The following ITGA4 variants were observed in gnomAD, a reference collection of about 807,000 sequenced individuals.
ITGA4 encodes integrin alpha-4.
ITGA4 carries 63 observed loss-of-function variants against 133.6 expected under a neutral mutation model. The ratio of observed to expected loss-of-function variants is 0.47; its 90% CI spans 0.38 to 0.58. The LOEUF is 0.58. Among genes scored for constraint, ITGA4 ranks in the 20% least tolerant of loss-of-function variants. The pLI, the probability that ITGA4 is intolerant of heterozygous loss-of-function variation, is 0.00. For synonymous variants in ITGA4, 483 were observed against 438.0 expected (o/e 1.10, Z -1.28); for missense variants, 1,076 against 1,252.7 (o/e 0.86, Z 2.13).
intron 2 of ITGA4, among the ~76,000 whole-genome samples, chr2:181,461,678 T>C (rs1227651123): frequency 1.3e-5 from 2 of 152,176 alleles, no homozygotes; most frequent in Non-Finnish European, 2.9e-5. Context: ...ACTAAAAAGA[T>C]GGTCTTTATT....
At chr2:181,529,275 C>A (rs970581031) in intron 22 of ITGA4, among the ~76,000 whole-genome samples, 1 of 152,062 alleles carries the variant, frequency 6.6e-6, no homozygotes, top group African/African-American at 2.4e-5. Context: ...ACTGTTTCTC[C>A]AATAAACCAT....
chr2:181,478,680 G>C, intron 4 of ITGA4, 77 bp from the exon 5 acceptor site: 1 of 610,260 alleles, frequency 1.6e-6, no homozygotes, highest in Non-Finnish European at 2.7e-6. Flanking sequence ...GGACATTTTT[G>C]TAAGGATTTA....
At position 181,500,934 on chromosome 2, in the gene ITGA4, AAGG is replaced by A. The variant is rs1415179378; in HGVS notation, c.1695+2161_1695+2163del. 7.2e-5 allele frequency among the ~76,000 whole-genome samples: 11 copies of A among 152,158 alleles called. No homozygotes were observed. In the South Asian group the frequency reaches 1.0e-3, roughly 14 times the overall value. On this transcript the variant is annotated intron_variant, in intron 15 of 27. Transcript: ENST00000397033. ...TGGAAGATACAGGTGATAAAGGAAA[AAGG>A]AGGGCAGAGTACAGAAATGTGCAGT...
chr2:181,478,325 A>C (rs1685726792), intron 4 of ITGA4, among the ~76,000 whole-genome samples: 1 of 151,988 alleles, frequency 6.6e-6, no homozygotes, highest in Non-Finnish European at 1.5e-5. Flanking sequence ...AAATTTGCCA[A>C]GAGAGTAGAT....
At position 181,509,940 on chromosome 2, in the gene ITGA4, T is replaced by G. The variant is rs547592572; in HGVS notation, c.1845+133T>G. ...CGAATTTTTAAAAACAAAAATAGAT[T>G]TATTCATTTCTTTAAATTGTTTATA... On this transcript the variant is annotated intron_variant, in intron 16 of 27. Coordinates refer to ENST00000397033, the MANE Select transcript of ITGA4 (RefSeq NM_000885.6). 37 of 627,152 alleles carry G rather than the reference T, an allele frequency of 5.9e-5. No homozygotes were observed. In the South Asian group the frequency reaches 6.6e-4, roughly 11 times the overall value. The allele number at this position is 627,152 out of a possible 1,614,324, so 38.8% of individuals were successfully genotyped here. A position where few individuals can be genotyped will look rare whatever the true frequency, so the allele number is the denominator to read the frequency against.
chr2:181,502,113 A>G (rs1368630612), intron 15 of ITGA4, among the ~76,000 whole-genome samples: 1 of 152,110 alleles, frequency 6.6e-6, no homozygotes, highest in Middle Eastern at 3.2e-3. Flanking sequence ...AGGGGAAAGC[A>G]TGATGATGTT....
At chr2:181,490,630 G>A (rs1686032792) in intron 10 of ITGA4, among the ~76,000 whole-genome samples, 1 of 151,992 alleles carries the variant, frequency 6.6e-6, no homozygotes, top group East Asian at 1.9e-4. Context: ...ATAGAGCATG[G>A]GAATAGCACA....
intron 14 of ITGA4, among the ~76,000 whole-genome samples, chr2:181,497,194 C>A (rs1362738361): frequency 6.6e-6 from 1 of 152,176 alleles, no homozygotes; most frequent in Non-Finnish European, 1.5e-5. Context: ...GACGCTCTTT[C>A]CTTTTACATA....
rs186452189 is a variant in ITGA4, at chr2:181,494,694, C to G, written c.1249-28C>G. The G allele has an allele frequency of 5.6e-3, 6,837 of 1,211,586 alleles. 25 individuals carry two copies. Among genetic ancestry groups the G allele is most frequent in the Non-Finnish European group, 7.3e-3 (5,967 of 813,454 alleles). 75.1% of individuals were successfully genotyped at this position (1,211,586 alleles called of 1,614,324 possible). ...CTGGTATATTAGTATTCAAAAACTA[C>G]TTCCCACTCAACTTTCCTATTTTTC... On this transcript the variant is annotated intron_variant, in intron 11 of 27. Transcript: ENST00000397033.
At chr2:181,499,689 G>C (rs1026453746) in intron 15 of ITGA4, among the ~76,000 whole-genome samples, 7 of 152,040 alleles carry the variant, frequency 4.6e-5, no homozygotes, top group African/African-American at 1.7e-4. Flanking sequence ...TGTTGTACTA[G>C]AATAAACCTA....
intron 15 of ITGA4, among the ~76,000 whole-genome samples, chr2:181,507,366 T>C (rs1010309327): frequency 3.3e-5 from 5 of 152,142 alleles, no homozygotes; most frequent in African/African-American, 1.2e-4. Context: ...AATTCTGTTA[T>C]AAATCCTCTT....
At chr2:181,498,551 A>G (rs2105747503) in intron 14 of ITGA4, 72 bp from the exon 15 acceptor site, 2 of 928,730 alleles carry the variant, frequency 2.2e-6, no homozygotes, top group East Asian at 5.3e-5. Flanking sequence ...AACTTTAACT[A>G]TTATCACTTC....
intron 17 of ITGA4, among the ~76,000 whole-genome samples, chr2:181,518,810 A>G (rs892689954): frequency 1.3e-4 from 20 of 152,038 alleles, no homozygotes; most frequent in African/African-American, 4.6e-4. Context: ...TAAAGTATAT[A>G]TATTTTTATT....
rs1432481971 is a variant in ITGA4 at position 181,538,046 on chromosome 2, A to C, written c.*2519A>C. ...CTGAGGTGGAACAGTTCATCCTGAA[A>C]CCATTCCCCCATCCACGGAAAAATT... On this transcript the variant is annotated 3_prime_UTR_variant, in exon 28 of 28. Transcript: ENST00000397033. 6 of 703,282 alleles carry C rather than the reference A, an allele frequency of 8.5e-6. No individual in the cohort carries two copies. In the African/African-American group the frequency reaches 1.1e-4, roughly 12 times the overall value. 43.6% of individuals were successfully genotyped at this position (703,282 alleles called of 1,614,324 possible).
chr2:181,537,975 G>T lies in ITGA4; in HGVS notation c.*2448G>T, dbSNP rs911238164. ...ACCATATGGTGAACTGGTATGTGAG[G>T]GATCTAGAGTGCCATGTTCCTCAAG... is the stretch of plus-strand genomic sequence containing the variant. On this transcript the variant is annotated 3_prime_UTR_variant, in exon 28 of 28. Coordinates refer to ENST00000397033, the MANE Select transcript of ITGA4 (RefSeq NM_000885.6). 1.5e-6 allele frequency: 1 copy of T among 660,442 alleles called. No individual in the cohort carries two copies. The highest frequency in any genetic ancestry group is 1.5e-5 in the South Asian group (1 of 66,188). 40.9% of individuals were successfully genotyped at this position (660,442 alleles called of 1,614,324 possible). A position where few individuals can be genotyped will look rare whatever the true frequency, so the allele number is the denominator to read the frequency against.
At chr2:181,497,547 G>GACA (rs1450868786) in intron 14 of ITGA4, among the ~76,000 whole-genome samples, 8 of 152,128 alleles carry the variant, frequency 5.3e-5, no homozygotes, top group Admixed American at 2.0e-4. Context: ...AATTGGCTTG[G>GACA]ACTTCATTAT....
intron 17 of ITGA4, among the ~76,000 whole-genome samples, chr2:181,512,215 A>C (rs150311739): frequency 7.1e-4 from 108 of 152,206 alleles, no homozygotes; most frequent in African/African-American, 2.5e-3. Flanking sequence ...AACAAGGACC[A>C]GAGAGAGAGA....
intron 2 of ITGA4, chr2:181,458,638 A>T (rs1685193363): frequency 3.2e-6 from 1 of 308,370 alleles, no homozygotes; most frequent in South Asian, 4.1e-5. Context: ...CAGCGTATTA[A>T]GGACAGGATC....
intron 26 of ITGA4, 146 bp downstream of exon 26, chr2:181,534,516 G>A: frequency 1.5e-6 from 1 of 647,682 alleles, no homozygotes; most frequent in South Asian, 2.0e-5. Context: ...GTTGAGAGTT[G>A]GCATTTTCCA....
Sources: gnomAD v4.1 joint callset for allele counts (sites outside exome capture counted in the v4.1 genomes callset) on GRCh38, gnomAD v4.1.1 for gene constraint, MANE v1.5 for transcripts, NCBI Gene and HGNC (gene_info 2026-07-23, HGNC 2026-07-21) for gene names.